The following DENND2B variants were observed in gnomAD, a reference collection of about 807,000 sequenced individuals.
DENND2B encodes the protein DENN domain-containing protein 2B.
A neutral mutation model predicts 116.0 loss-of-function variants in DENND2B; 32 were observed. That is an observed-to-expected ratio of 0.28 (90% CI 0.21 to 0.37). The LOEUF (loss-of-function observed/expected upper bound fraction) is 0.37, where lower values mean the gene tolerates loss of function less well. Ranked by LOEUF, DENND2B falls within the 10% of genes least tolerant of loss-of-function variation. DENND2B has a pLI of 1.00. For synonymous variants in DENND2B, 588 were observed against 583.9 expected (o/e 1.01, Z -0.10); for missense variants, 1,276 against 1,477.7 (o/e 0.86, Z 2.24).
At chr11:8,764,383 G>A (rs1157565740) in intron 1 of DENND2B, among the ~76,000 whole-genome samples, 1 of 152,200 alleles carries the variant, frequency 6.6e-6, no homozygotes, top group African/African-American at 2.4e-5. Flanking sequence ...TATATAGCCA[G>A]GCTCTGCTGG....
chr11:8,706,114 G>A (rs1430762701), intron 13 of DENND2B, among the ~76,000 whole-genome samples: 1 of 152,116 alleles, frequency 6.6e-6, no homozygotes, highest in Admixed American at 6.5e-5. Flanking sequence ...GTTTGGTGGT[G>A]CACGCCTGTA....
intron 14 of DENND2B, among the ~76,000 whole-genome samples, chr11:8,700,667 C>T (rs1464372909): frequency 6.6e-6 from 1 of 152,100 alleles, no homozygotes; most frequent in Admixed American, 6.5e-5. Flanking sequence ...GTCCAAATGA[C>T]CACTCTAGAG....
chr11:8,784,574 A>T (rs2058711935), intron 1 of DENND2B: 1 of 152,278 alleles, frequency 6.6e-6, no homozygotes, highest in African/African-American at 2.4e-5. Flanking sequence ...GCAGTGGCTC[A>T]TGCCTGTAAT....
chr11:8,777,985 C>T (rs1260821795), intron 1 of DENND2B, among the ~76,000 whole-genome samples: 2 of 152,226 alleles, frequency 1.3e-5, no homozygotes, highest in African/African-American at 2.4e-5. Flanking sequence ...TCAGTCTCTA[C>T]TAAGGAAGCT....
chr11:8,741,433 T>A (rs2050192335), intron 2 of DENND2B, among the ~76,000 whole-genome samples: 1 of 152,092 alleles, frequency 6.6e-6, no homozygotes, highest in Admixed American at 6.6e-5. Flanking sequence ...GACAGGAACA[T>A]CCCCAGTGCC....
intron 11 of DENND2B, among the ~76,000 whole-genome samples, chr11:8,709,390 T>G (rs1460220687): frequency 2.0e-5 from 3 of 152,166 alleles, no homozygotes; most frequent in African/African-American, 7.2e-5. Context: ...AGGCCCTCTC[T>G]GAGCACGCCA....
In DENND2B at chr11:8,717,793, A is replaced by G. The variant is rs2133840319; in HGVS notation, c.1577T>C (p.Leu526Ser). 6.2e-7 allele frequency: 1 copy of G among 1,610,456 alleles called. No homozygotes were observed. The highest frequency in any genetic ancestry group is 1.1e-5 in the South Asian group (1 of 90,890). ...GTCCTGAGGACTCCACATCCTGTGC[A>G]AAGAGTCCAAGGAGTTCTCAGACAG... Reference protein sequence around the residue: ...QQLSENSLDSLHRMWSPQDRK... With the variant: ...QQLSENSLDSSHRMWSPQDRK... Residue 526 changes from leucine (L) to serine (S), a missense_variant, in exon 5 of 20, where the codon TTG (leucine) becomes TCG (serine). Coordinates refer to ENST00000313726, the MANE Select transcript of DENND2B (RefSeq NM_213618.2).
At chr11:8,793,062 A>G (rs2059523134) in intron 1 of DENND2B, among the ~76,000 whole-genome samples, 1 of 152,242 alleles carries the variant, frequency 6.6e-6, no homozygotes, top group African/African-American at 2.4e-5. Flanking sequence ...TGGTTAAATA[A>G]ATTATGATAC....
At position 8,712,419 on chromosome 11, in the gene DENND2B, G is replaced by A. The variant is rs1447359271; in HGVS notation, c.2172+132C>T. 7.7e-6 allele frequency: 8 copies of A among 1,033,980 alleles called. No homozygotes were observed. In the African/African-American group the frequency reaches 1.3e-4, roughly 17 times the overall value. The allele number at this position is 1,033,980 out of a possible 1,614,324, so 64.1% of individuals were successfully genotyped here. ...TGTCTTCCCTCCTGGCTGAGAGGAG[G>A]CAGGTTCAGGGCTGTGGCAGCTCGG... On this transcript the variant is annotated intron_variant, in intron 9 of 19. Coordinates refer to ENST00000313726, the MANE Select transcript of DENND2B (RefSeq NM_213618.2). The surrounding 1 kb of genome is among the most constrained non-coding windows in gnomAD (Gnocchi z 4.4).
intron 1 of DENND2B, among the ~76,000 whole-genome samples, chr11:8,780,670 A>C (rs2058283223): frequency 6.6e-6 from 1 of 152,174 alleles, no homozygotes; most frequent in Non-Finnish European, 1.5e-5. Flanking sequence ...CAGGGATCTT[A>C]GTTTTTCTCT....
At chr11:8,753,145 G>T (rs2052852976) in intron 1 of DENND2B, among the ~76,000 whole-genome samples, 1 of 152,128 alleles carries the variant, frequency 6.6e-6, no homozygotes, top group South Asian at 2.1e-4. Context: ...GCTGAGGCAT[G>T]AAAGTAACTT....
At chr11:8,852,524 A>G (rs924852604) in intron 3 of DENND2B, among the ~76,000 whole-genome samples, 2 of 152,214 alleles carry the variant, frequency 1.3e-5, no homozygotes, top group Non-Finnish European at 2.9e-5. Context: ...TGATAACAGA[A>G]GAGTAATTGG....
At chr11:8,762,486 G>A (rs562764419) in intron 1 of DENND2B, among the ~76,000 whole-genome samples, 2 of 152,336 alleles carry the variant, frequency 1.3e-5, no homozygotes, top group East Asian at 3.9e-4. Context: ...AAATTCAAAA[G>A]GGGGCCTCCC....
rs777563076 is a variant in DENND2B, at chr11:8,730,765, TCGGCGA to T, written c.519_524del (p.Arg174_Arg175del). The T allele has an allele frequency of 9.9e-4, 1,594 of 1,612,728 alleles. 1 individual carries two copies. Among genetic ancestry groups the T allele is most frequent in the Non-Finnish European group, 1.2e-3 (1,470 of 1,179,984 alleles). On this transcript the variant is annotated inframe_deletion, in exon 3 of 20. Transcript: ENST00000313726. The surrounding 1 kb of genome is among the most constrained non-coding windows in gnomAD (Gnocchi z 4.1). ...ACATGCTCATCCTGGGCGACGCCTC[TCGGCGA>T]CCTTCCCATGCTGATATCTTCTCCC... is the stretch of plus-strand genomic sequence containing the variant.
chr11:8,827,458 A>G (rs2062021762), intron 4 of DENND2B, among the ~76,000 whole-genome samples: 1 of 152,238 alleles, frequency 6.6e-6, no homozygotes, highest in Non-Finnish European at 1.5e-5. Context: ...CTCATCTCCA[A>G]TGCAGACAGC....
At chr11:8,697,975 C>G (rs780441992) in intron 16 of DENND2B, 3 of 453,192 alleles carry the variant, frequency 6.6e-6, no homozygotes, top group Non-Finnish European at 1.3e-5. Context: ...CTGCAAAACA[C>G]ACACAAAAAA....
chr11:8,793,729 G>C (rs552367012), intron 1 of DENND2B, among the ~76,000 whole-genome samples: 96 of 152,276 alleles, frequency 6.3e-4, no homozygotes, highest in African/African-American at 2.2e-3. Flanking sequence ...ATATACCTAG[G>C]AGTGGAATTG....
chr11:8,795,856 T>C (rs1197175319), intron 1 of DENND2B, among the ~76,000 whole-genome samples: 1 of 152,236 alleles, frequency 6.6e-6, no homozygotes, highest in Non-Finnish European at 1.5e-5. Context: ...TCCCTGCTCA[T>C]GGCAGATGAC....
Position 8,783,043 on chromosome 11 carries a change from T to TA in DENND2B, c.-26+27473dup, listed in dbSNP as rs1018472505. On this transcript the variant is annotated intron_variant, in intron 1 of 19. Transcript: ENST00000313726. ...AGATATGTAGATATTTGCCACCACT[T>TA]ACCTTTTTTTTTTTTTTTTTTTTCC... is the stretch of plus-strand genomic sequence containing the variant. Among the ~76,000 whole-genome samples the TA allele has an allele frequency of 5.0e-5, 7 of 138,620 alleles. No homozygotes were observed. In the East Asian group the frequency reaches 6.6e-4, roughly 13 times the overall value. The allele number at this position is 138,620 out of a possible 152,430, so 90.9% of individuals were successfully genotyped here.
Sources: allele counts gnomAD v4.1 joint callset (sites outside exome capture counted in the v4.1 genomes callset), GRCh38; gene constraint gnomAD v4.1.1; non-coding constraint Gnocchi (gnomAD v3.1); transcripts MANE v1.5; gene names NCBI Gene and HGNC (gene_info 2026-07-23, HGNC 2026-07-21).